The following RASAL2 variants were observed in gnomAD, a reference collection of about 807,000 sequenced individuals.
RASAL2 encodes ras GTPase-activating protein nGAP.
In RASAL2, 58 loss-of-function variants were observed where a neutral mutation model predicts 128.9. The ratio of observed to expected loss-of-function variants is 0.45; its 90% CI spans 0.36 to 0.56. RASAL2 has a LOEUF of 0.56. RASAL2 is among the 20% of genes least tolerant of loss of function. RASAL2 has a pLI of 0.00. For synonymous variants in RASAL2, 561 were observed against 580.8 expected (o/e 0.97, Z 0.49); for missense variants, 1,360 against 1,601.6 (o/e 0.85, Z 2.57).
intron 1 of RASAL2, among the ~76,000 whole-genome samples, chr1:178,205,873 AC>A (rs147981457): frequency 0.028 from 4,239 of 152,246 alleles, 76 homozygotes; most frequent in East Asian, 0.088. Context: ...ACCCATACTT[AC>A]CATTTTATTG....
intron 5 of RASAL2, among the ~76,000 whole-genome samples, chr1:178,438,881 C>CTCTGTGTGTGTGTGTGTGTGTG (rs1239809916): frequency 5.4e-5 from 7 of 129,392 alleles, no homozygotes; most frequent in Admixed American, 2.4e-4. Context: ...AGCTTCGACT[C>CTCTGTGTGTGTGTGTGTGTGTG]TGTGTGTGTG....
At chr1:178,371,239 C>G (rs1671680694) in intron 3 of RASAL2, among the ~76,000 whole-genome samples, 1 of 151,320 alleles carries the variant, frequency 6.6e-6, no homozygotes, top group African/African-American at 2.4e-5. Flanking sequence ...GATGATGTTG[C>G]AGAACAGTCA....
chr1:178,366,329 A>G (rs1317894309), intron 3 of RASAL2, among the ~76,000 whole-genome samples: 1 of 152,198 alleles, frequency 6.6e-6, no homozygotes, highest in East Asian at 1.9e-4. Context: ...TTACTAAAAA[A>G]TCTACACCAA....
intron 1 of RASAL2, among the ~76,000 whole-genome samples, chr1:178,179,596 G>A (rs1356375032): frequency 2.0e-5 from 3 of 152,092 alleles, no homozygotes; most frequent in Non-Finnish European, 4.4e-5. Context: ...TAGATCGTTT[G>A]GAGGTGGAAG....
chr1:178,379,667 G>A (rs1672175421), intron 3 of RASAL2, among the ~76,000 whole-genome samples: 1 of 152,044 alleles, frequency 6.6e-6, no homozygotes. Context: ...AATCCATATT[G>A]AGTCTCACAG....
intron 1 of RASAL2, among the ~76,000 whole-genome samples, chr1:178,257,460 A>C (rs1665423085): frequency 8.4e-6 from 1 of 118,578 alleles, no homozygotes. Context: ...TGTGTGTAGA[A>C]ATAAAATCAA....
intron 4 of RASAL2, among the ~76,000 whole-genome samples, chr1:178,409,383 T>G (rs930167794): frequency 6.6e-6 from 1 of 152,036 alleles, no homozygotes; most frequent in Non-Finnish European, 1.5e-5. Flanking sequence ...TAAAGCACAG[T>G]GGAGGGGCAC....
chr1:178,155,985 A>C (rs938489657), intron 1 of RASAL2, among the ~76,000 whole-genome samples: 4 of 152,122 alleles, frequency 2.6e-5, no homozygotes, highest in African/African-American at 9.7e-5. Flanking sequence ...CCCAAACCTT[A>C]TATTTCTTGC....
At chr1:178,337,012 A>G (rs1220572321) in intron 3 of RASAL2, among the ~76,000 whole-genome samples, 2 of 152,078 alleles carry the variant, frequency 1.3e-5, no homozygotes, top group South Asian at 2.1e-4. Flanking sequence ...TCTCAACTCA[A>G]TATCAGGGGA....
chr1:178,254,721 G>T (rs1283448136), intron 1 of RASAL2, among the ~76,000 whole-genome samples: 4 of 152,160 alleles, frequency 2.6e-5, no homozygotes, highest in Non-Finnish European at 5.9e-5. Context: ...AATACAGAAG[G>T]AGAGGAGAGA....
chr1:178,350,823 G>C (rs1168570663), intron 3 of RASAL2, among the ~76,000 whole-genome samples: 2 of 152,142 alleles, frequency 1.3e-5, no homozygotes, highest in African/African-American at 2.4e-5. Flanking sequence ...GCCAGTGAGA[G>C]AATCTTACTC....
intron 1 of RASAL2, among the ~76,000 whole-genome samples, chr1:178,217,070 G>A (rs1663445727): frequency 6.6e-6 from 1 of 152,006 alleles, no homozygotes; most frequent in South Asian, 2.1e-4. Flanking sequence ...CCACCTCCCG[G>A]GTTCAAACAG....
chr1:178,180,485 C>CAAAAAAAAAAAAAAAAAAAAAAAAAAAA (rs71108033), intron 1 of RASAL2, among the ~76,000 whole-genome samples: 1 of 72,562 alleles, frequency 1.4e-5, no homozygotes, highest in African/African-American at 5.2e-5. Flanking sequence ...TCATCTCTAC[C>CAAAAAAAAAAAAAAAAAAAAAAAAAAAA]AAAAAAAAAA....
chr1:178,156,091 T>C (rs147852948), intron 1 of RASAL2, among the ~76,000 whole-genome samples: 1 of 152,348 alleles, frequency 6.6e-6, no homozygotes, highest in African/African-American at 2.4e-5. Flanking sequence ...TTGTAATTGC[T>C]ATGCAGTAAT....
At chr1:178,378,971 G>C (rs1672136016) in intron 3 of RASAL2, among the ~76,000 whole-genome samples, 1 of 151,890 alleles carries the variant, frequency 6.6e-6, no homozygotes, top group Non-Finnish European at 1.5e-5. Context: ...GCCAAGAGTT[G>C]TTCCTTTAAA....
intron 3 of RASAL2, among the ~76,000 whole-genome samples, chr1:178,338,000 G>T (rs963075261): frequency 3.9e-5 from 6 of 152,100 alleles, no homozygotes; most frequent in African/African-American, 1.4e-4. Flanking sequence ...CCAAAGTACT[G>T]GGATTACAGG....
intron 1 of RASAL2, among the ~76,000 whole-genome samples, chr1:178,249,436 T>A (rs568947916): frequency 2.0e-5 from 3 of 152,142 alleles, no homozygotes; most frequent in African/African-American, 7.2e-5. Context: ...AGTTAGCAGT[T>A]CCTGTAACCT....
chr1:178,349,459 C>T (rs1557920353), intron 3 of RASAL2, among the ~76,000 whole-genome samples: 2 of 151,788 alleles, frequency 1.3e-5, no homozygotes, highest in Non-Finnish European at 2.9e-5. Flanking sequence ...TCTATGTGTG[C>T]CATCAAGGAC....
intron 1 of RASAL2, among the ~76,000 whole-genome samples, chr1:178,114,920 T>G (rs1659471315): frequency 6.6e-6 from 1 of 152,234 alleles, no homozygotes; most frequent in South Asian, 2.1e-4. Context: ...TTGCTAAAAT[T>G]ATGTTAAGAT....
Sources: allele counts gnomAD v4.1 joint callset (sites outside exome capture counted in the v4.1 genomes callset), GRCh38; gene constraint gnomAD v4.1.1; transcripts MANE v1.5; gene names NCBI Gene and HGNC (gene_info 2026-07-23, HGNC 2026-07-21).